Variants in ZEB1 observed in about 807,000 individuals in gnomAD.
ZEB1 encodes the protein zinc finger E-box binding homeobox 1, also known as zinc finger E-box-binding homeobox 1.
Under a neutral mutation model 84.9 loss-of-function variants are expected in ZEB1, and 21 were observed. The observed-to-expected ratio is 0.25, with a 90% CI of 0.18 to 0.36. The LOEUF (loss-of-function observed/expected upper bound fraction) is 0.36. Among genes scored for constraint, ZEB1 ranks in the 10% least tolerant of loss-of-function variants. ZEB1 has a pLI of 1.00. For missense variants in ZEB1, 1,104 were observed against 1,330.2 expected (o/e 0.83, Z 2.65); for synonymous variants, 420 against 471.1 (o/e 0.89, Z 1.41).
At chr10:31,431,699 T>TTATTATTTATGGA (rs2057733486) in intron 1 of ZEB1, among the ~76,000 whole-genome samples, 1 of 152,212 alleles carries the variant, frequency 6.6e-6, no homozygotes, top group African/African-American at 2.4e-5. Context: ...TTTAATCATT[T>TTATTATTTATGGA]TATTATTTAT....
chr10:31,464,576 TA>T (rs1263748642), intron 2 of ZEB1, among the ~76,000 whole-genome samples: 6 of 152,032 alleles, frequency 3.9e-5, no homozygotes, highest in Non-Finnish European at 5.9e-5. Flanking sequence ...AGATTGAACA[TA>T]AAAAGATCTT....
intron 2 of ZEB1, among the ~76,000 whole-genome samples, chr10:31,484,495 A>T (rs2138592166): frequency 6.6e-6 from 1 of 152,124 alleles, no homozygotes; most frequent in Non-Finnish European, 1.5e-5. Flanking sequence ...TACAAAAGAC[A>T]TTAGGTAATT....
At chr10:31,394,121 T>G (rs2135317276) in intron 1 of ZEB1, among the ~76,000 whole-genome samples, 1 of 152,266 alleles carries the variant, frequency 6.6e-6, no homozygotes, top group South Asian at 2.1e-4. Context: ...CTATTTCAGG[T>G]TGCACAAATG....
At chr10:31,340,700 C>G (rs1390901474) in intron 1 of ZEB1, among the ~76,000 whole-genome samples, 1 of 152,078 alleles carries the variant, frequency 6.6e-6, no homozygotes, top group Non-Finnish European at 1.5e-5. Context: ...AAAACAGACA[C>G]TTGTATAAAG....
At chr10:31,440,601 A>G (rs2058818072) in intron 1 of ZEB1, among the ~76,000 whole-genome samples, 1 of 152,194 alleles carries the variant, frequency 6.6e-6, no homozygotes. Flanking sequence ...CAGTTAGGAA[A>G]AGAGGGAGTC....
intron 1 of ZEB1, among the ~76,000 whole-genome samples, chr10:31,455,088 G>C (rs1178698949): frequency 6.6e-6 from 1 of 152,168 alleles, no homozygotes; most frequent in Non-Finnish European, 1.5e-5. Flanking sequence ...GAACAGAACA[G>C]AGGCCTCAGA....
chr10:31,327,091 TTTC>T (rs1300981354), intron 1 of ZEB1, among the ~76,000 whole-genome samples: 1 of 145,374 alleles, frequency 6.9e-6, no homozygotes, highest in East Asian at 2.1e-4. Context: ...TTCTTTTTCT[TTTC>T]TTTTCTTTTT....
chr10:31,354,498 T>C (rs2041815790), intron 1 of ZEB1, among the ~76,000 whole-genome samples: 2 of 152,192 alleles, frequency 1.3e-5, no homozygotes, highest in African/African-American at 2.4e-5. Context: ...TAAGGATTAT[T>C]CTGAATTCCT....
intron 2 of ZEB1, among the ~76,000 whole-genome samples, chr10:31,493,734 A>T (rs367706801): frequency 1.1e-4 from 17 of 152,020 alleles, no homozygotes; most frequent in South Asian, 4.2e-4. Context: ...CAACATTAGG[A>T]TGTTGTCTGT....
rs539940582 is a variant in ZEB1 at position 31,471,748 on chromosome 10, C to A, written c.259+10511C>A. 1.4e-3 allele frequency among the ~76,000 whole-genome samples: 206 copies of A among 143,578 alleles called. 4 individuals carry two copies. The highest frequency in any genetic ancestry group is 4.4e-3 in the African/African-American group (158 of 36,042). 94.2% of individuals were successfully genotyped at this position (143,578 alleles called of 152,430 possible). ...TACAGAACTCTCCACCCCAAATCAA[C>A]AGAATATACATTTTTTTCAGCACCA... On this transcript the variant is annotated intron_variant, in intron 2 of 8. Coordinates refer to ENST00000424869, the MANE Select transcript of ZEB1 (RefSeq NM_001174096.2).
rs960591768 is a variant in ZEB1, at chr10:31,495,865, C to T, written c.322+27C>T. ...TACTCTGCTGCGACTTTCTTTCATA[C>T]CATAGCCTTTAAAAGAAGGTCTTTG... is the stretch of plus-strand genomic sequence containing the variant. On this transcript the variant is annotated intron_variant, in intron 3 of 8. Transcript: ENST00000424869. The T allele has an allele frequency of 5.6e-6, 9 of 1,611,764 alleles. No homozygotes were observed. The East Asian group carries it at 2.0e-4, about 36-fold the overall frequency.
intron 1 of ZEB1, among the ~76,000 whole-genome samples, chr10:31,377,676 T>C (rs2046897440): frequency 6.6e-6 from 1 of 151,858 alleles, no homozygotes; most frequent in African/African-American, 2.4e-5. Context: ...CACTTTGCGA[T>C]CTTTTCATTA....
At position 31,439,683 on chromosome 10, in the gene ZEB1, G is replaced by A. The variant is rs114915856; in HGVS notation, c.59-21354G>A. 6.7e-3 allele frequency among the ~76,000 whole-genome samples: 1,016 copies of A among 152,014 alleles called. 15 individuals are homozygous for A. The highest frequency in any genetic ancestry group is 0.024 in the African/African-American group (983 of 41,456). ...TAGGGAGTGCAATGGGGGTGGGGGT[G>A]GTATTTAAATAGAGCAGTCATAGGA... On this transcript the variant is annotated intron_variant, in intron 1 of 8. Coordinates refer to ENST00000424869, the MANE Select transcript of ZEB1 (RefSeq NM_001174096.2).
At chr10:31,406,326 C>G (rs1184323160) in intron 1 of ZEB1, among the ~76,000 whole-genome samples, 3 of 152,188 alleles carry the variant, frequency 2.0e-5, no homozygotes, top group African/African-American at 7.2e-5. Context: ...TAAAAGCATT[C>G]TTAGTTCTGC....
intron 8 of ZEB1, among the ~76,000 whole-genome samples, chr10:31,524,478 G>A (rs2073030375): frequency 6.6e-6 from 1 of 151,984 alleles, no homozygotes; most frequent in Admixed American, 6.6e-5. Flanking sequence ...CAAAGTGCTG[G>A]TATTACAGGC....
In ZEB1 at chr10:31,457,032, A is replaced by G. The variant is rs1359286473; in HGVS notation, c.59-4005A>G. On this transcript the variant is annotated intron_variant, in intron 1 of 8. Coordinates refer to ENST00000424869, the MANE Select transcript of ZEB1 (RefSeq NM_001174096.2). ...ATCTTCTATTGAAGTTTAAATTCATATTATCTAAAGTCATGTTTAAAGATT... is the reference window on the plus strand; with the variant it reads ...ATCTTCTATTGAAGTTTAAATTCATGTTATCTAAAGTCATGTTTAAAGATT... Among the ~76,000 whole-genome samples the G allele has an allele frequency of 2.0e-5, 3 of 152,270 alleles. No individual in the cohort carries two copies. The East Asian group carries it at 5.8e-4, about 29-fold the overall frequency.
chr10:31,363,752 G>C (rs756167890), intron 1 of ZEB1: 27 of 1,226,390 alleles, frequency 2.2e-5, no homozygotes, highest in Admixed American at 2.0e-5. Context: ...TTCCTTGAGG[G>C]GGGGCTCCAG....
intron 1 of ZEB1, among the ~76,000 whole-genome samples, chr10:31,349,030 C>T (rs146618475): frequency 6.6e-6 from 1 of 152,080 alleles, no homozygotes; most frequent in African/African-American, 2.4e-5. Context: ...ATTTATTCCT[C>T]CTGTTTAGAT....
At chr10:31,417,754 A>G (rs541845175) in intron 1 of ZEB1, among the ~76,000 whole-genome samples, 1 of 152,130 alleles carries the variant, frequency 6.6e-6, no homozygotes, top group South Asian at 2.1e-4. Flanking sequence ...AACACCCAAT[A>G]TGGTACTTTG....
Sources: gnomAD v4.1 joint callset for allele counts (sites outside exome capture counted in the v4.1 genomes callset) on GRCh38, gnomAD v4.1.1 for gene constraint, MANE v1.5 for transcripts, NCBI Gene and HGNC (gene_info 2026-07-23, HGNC 2026-07-21) for gene names.